RHOT1: variants seen among roughly 807,000 people sequenced by gnomAD.
RHOT1 encodes ras homolog family member T1, also known as mitochondrial Rho GTPase 1.
Under a neutral mutation model 95.3 loss-of-function variants are expected in RHOT1, and 27 were observed. That is an observed-to-expected ratio of 0.28 (90% CI 0.21 to 0.39). RHOT1 has a LOEUF of 0.39. Among genes scored for constraint, RHOT1 ranks in the 10% least tolerant of loss-of-function variants. The pLI is 1.00. For missense variants in RHOT1, 578 were observed against 786.7 expected (o/e 0.73, Z 3.17); for synonymous variants, 227 against 263.5 (o/e 0.86, Z 1.34).
At chr17:32,188,037 A>G (rs780086822) in intron 8 of RHOT1, among the ~76,000 whole-genome samples, 7 of 152,206 alleles carry the variant, frequency 4.6e-5, no homozygotes, top group Non-Finnish European at 5.9e-5. Flanking sequence ...GCAAAGTTTA[A>G]TAGTTTCAAT....
chr17:32,193,341 A>T (rs1027844998), intron 10 of RHOT1, 97 bp downstream of exon 10: 2 of 766,222 alleles, frequency 2.6e-6, no homozygotes, highest in African/African-American at 3.6e-5. Context: ...CTTTAAGGAA[A>T]TGTTAATATT....
rs1223312812 is a variant in RHOT1, at chr17:32,202,377, T to C, written c.1202-393T>C. On this transcript the variant is annotated intron_variant, in intron 14 of 19. Transcript: ENST00000545287. The stretch of plus-strand genomic sequence containing the variant: ...GCTCCAAGAGAGTGCAGATTTGAAA[T>C]AGCATCTTTTAGTTTATAATATGTG... Among the ~76,000 whole-genome samples the C allele has an allele frequency of 6.6e-5, 10 of 152,324 alleles. No homozygotes were observed. The East Asian group carries it at 1.9e-3, about 29-fold the overall frequency.
chr17:32,198,663 C>A (rs1447045464), intron 11 of RHOT1, among the ~76,000 whole-genome samples: 2 of 152,132 alleles, frequency 1.3e-5, no homozygotes, highest in African/African-American at 4.8e-5. Context: ...GAGCTGTGAT[C>A]GTGCCACTGC....
chr17:32,204,607 TA>T (rs2037567856), intron 16 of RHOT1, among the ~76,000 whole-genome samples: 1 of 149,608 alleles, frequency 6.7e-6, no homozygotes, highest in Non-Finnish European at 1.5e-5. Context: ...GGTTTAGATA[TA>T]AATAAAAATT....
intron 8 of RHOT1, among the ~76,000 whole-genome samples, chr17:32,189,064 C>T (rs1213075558): frequency 2.6e-5 from 4 of 152,174 alleles, no homozygotes; most frequent in Non-Finnish European, 5.9e-5. Context: ...CTTTGGGAGG[C>T]CAAGGCGGGT....
chr17:32,152,800 A>G (rs1386646712), intron 1 of RHOT1, among the ~76,000 whole-genome samples: 1 of 150,752 alleles, frequency 6.6e-6, no homozygotes, highest in Non-Finnish European at 1.5e-5. Context: ...CACATTATTT[A>G]TCTTTTTTTT....
intron 17 of RHOT1, 150 bp from the exon 18 acceptor site, chr17:32,207,957 G>C: frequency 1.6e-6 from 1 of 641,234 alleles, no homozygotes; most frequent in Non-Finnish European, 2.7e-6. Flanking sequence ...GATTTACCTA[G>C]ACCACTGCCA....
rs769315532 is a variant in RHOT1, at chr17:32,193,156, A to G, written c.660A>G (p.Pro220=). ...GCTAGAGGATTTGTTTCAACACTCC[A>G]TTAGCTCCTCAAGCTCTGGAGGATG... ...NFFQRICFNT[P]LAPQALEDVK... is the part of the protein sequence containing the mutation. The change falls in exon 10 of 20, where the codon CCA becomes CCG. Residue 220 remains proline (P), a synonymous_variant. Coordinates refer to ENST00000545287, the MANE Select transcript of RHOT1 (RefSeq NM_001033566.3). 1.2e-6 allele frequency: 2 copies of G among 1,611,640 alleles called. No homozygotes were observed. Among genetic ancestry groups the G allele is most frequent in the South Asian group, 1.1e-5 (1 of 90,694 alleles).
In RHOT1 at chr17:32,193,511, CA is replaced by C. The variant is rs1045430544; in HGVS notation, c.748+276del. Among the ~76,000 whole-genome samples, 55 of 150,166 alleles carry C rather than the reference CA, an allele frequency of 3.7e-4. 1 individual carries two copies. Among genetic ancestry groups the C allele is most frequent in the Admixed American group, 1.7e-3 (26 of 15,126 alleles). On this transcript the variant is annotated intron_variant, in intron 10 of 19. Transcript: ENST00000545287. ...ACCTGATGGAAGGAGATATCTGGAACAAAAAAAAAGTATCTTAAAATTCTTC... is the reference window on the plus strand; with the variant it reads ...ACCTGATGGAAGGAGATATCTGGAACAAAAAAAAGTATCTTAAAATTCTTC...
rs78918461 is a variant in RHOT1, at chr17:32,206,844, G to A, written c.1417-66G>A. ...GGAAGTCCAGGGAAGGAAGTAATAA[G>A]CTATCATGACTTAATATATCAATAT... On this transcript the variant is annotated intron_variant, in intron 16 of 19. Transcript: ENST00000545287. 20 of 1,130,524 alleles carry A rather than the reference G, an allele frequency of 1.8e-5. No individual in the cohort carries two copies. The African/African-American group carries it at 2.9e-4, about 16-fold the overall frequency. 70.0% of individuals were successfully genotyped at this position (1,130,524 alleles called of 1,614,324 possible). A position where few individuals can be genotyped will look rare whatever the true frequency, so the allele number is the denominator to read the frequency against.
intron 16 of RHOT1, among the ~76,000 whole-genome samples, chr17:32,204,375 A>G (rs2142864790): frequency 6.6e-6 from 1 of 151,252 alleles, no homozygotes; most frequent in Non-Finnish European, 1.5e-5. Context: ...ACATGGAGAA[A>G]CCCCGTCTCT....
intron 1 of RHOT1, among the ~76,000 whole-genome samples, chr17:32,154,594 A>G (rs1341716960): frequency 6.7e-6 from 1 of 149,940 alleles, no homozygotes; most frequent in Non-Finnish European, 1.5e-5. Context: ...CTCAAAAAAA[A>G]AAAAAAAAAA....
chr17:32,182,337 T>C (rs948548746), intron 6 of RHOT1, among the ~76,000 whole-genome samples: 1 of 152,046 alleles, frequency 6.6e-6, no homozygotes, highest in Non-Finnish European at 1.5e-5. Flanking sequence ...TTTTTTTTAA[T>C]TTGCTGGATG....
chr17:32,216,251 AT>A lies in RHOT1; in HGVS notation c.1862+5019del, dbSNP rs1342879614. ...ATTTGTTTGTTTGTGTAACTTAGTC[AT>A]TTTTTGATACTCTCAATCTCCTTCC... is the stretch of plus-strand genomic sequence containing the variant. On this transcript the variant is annotated intron_variant, in intron 19 of 19. Coordinates refer to ENST00000545287, the MANE Select transcript of RHOT1 (RefSeq NM_001033566.3). Among the ~76,000 whole-genome samples the A allele has an allele frequency of 1.1e-4, 17 of 152,074 alleles. No homozygotes were observed. The East Asian group carries it at 3.3e-3, about 29-fold the overall frequency.
At chr17:32,195,816 A>T (rs1481981898) in intron 11 of RHOT1, among the ~76,000 whole-genome samples, 1 of 152,194 alleles carries the variant, frequency 6.6e-6, no homozygotes, top group Admixed American at 6.5e-5. Flanking sequence ...AGATTTTTCA[A>T]TAAATATATA....
intron 6 of RHOT1, among the ~76,000 whole-genome samples, chr17:32,177,987 G>T (rs1443174313): frequency 6.6e-6 from 1 of 151,138 alleles, no homozygotes; most frequent in Non-Finnish European, 1.5e-5. Flanking sequence ...ACCACACCCA[G>T]CTAATTTTTG....
At chr17:32,143,195 C>A in intron 1 of RHOT1, 1 of 454,292 alleles carries the variant, frequency 2.2e-6, no homozygotes. Context: ...TTGCGTGAAC[C>A]GGCTCCCGGG....
intron 1 of RHOT1, among the ~76,000 whole-genome samples, chr17:32,166,789 A>G (rs1435587933): frequency 1.3e-5 from 2 of 152,150 alleles, no homozygotes; most frequent in Non-Finnish European, 2.9e-5. Flanking sequence ...TTTTCTTGCT[A>G]TTTCCACCAT....
At chr17:32,149,631 ATATATGTGTG>A (rs1315260227) in intron 1 of RHOT1, among the ~76,000 whole-genome samples, 1 of 88,184 alleles carries the variant, frequency 1.1e-5, no homozygotes, top group African/African-American at 4.8e-5. Flanking sequence ...ATATATATAT[ATATATGTGTG>A]TGTGTGTGTG....
Sources: allele counts gnomAD v4.1 joint callset (sites outside exome capture counted in the v4.1 genomes callset), GRCh38; gene constraint gnomAD v4.1.1; transcripts MANE v1.5; gene names NCBI Gene and HGNC (gene_info 2026-07-23, HGNC 2026-07-21).